SDK1: variants seen among roughly 807,000 people sequenced by gnomAD.
The protein encoded by SDK1 is protein sidekick-1.
Under a neutral mutation model 245.5 loss-of-function variants are expected in SDK1, and 157 were observed. That is an observed-to-expected ratio of 0.64 (90% CI 0.56 to 0.73). The LOEUF is 0.73. Ranked by LOEUF, SDK1 falls within the 30% of genes least tolerant of loss-of-function variation. SDK1 has a pLI of 0.00. For missense variants in SDK1, 3,583 were observed against 3,002.3 expected (o/e 1.19, Z -4.52); for synonymous variants, 1,647 against 1,278.5 (o/e 1.29, Z -6.15).
At chr7:3,822,936 AGAT>A (rs1779682479) in intron 5 of SDK1, among the ~76,000 whole-genome samples, 1 of 152,104 alleles carries the variant, frequency 6.6e-6, no homozygotes, top group African/African-American at 2.4e-5. Context: ...GTGGGGTCTC[AGAT>A]GCCTGCCTAA....
chr7:4,116,042 G>A (rs1783684560), intron 25 of SDK1, among the ~76,000 whole-genome samples: 1 of 152,160 alleles, frequency 6.6e-6, no homozygotes, highest in South Asian at 2.1e-4. Flanking sequence ...TCAGGACAGA[G>A]GAGTTTAAAA....
chr7:4,058,103 A>C (rs1779312038), intron 19 of SDK1, among the ~76,000 whole-genome samples: 1 of 152,194 alleles, frequency 6.6e-6, no homozygotes. Flanking sequence ...AAAAATAATG[A>C]TATTAAGGAA....
intron 40 of SDK1, chr7:4,227,477 C>G (rs983656268): frequency 1.9e-5 from 9 of 468,126 alleles, no homozygotes; most frequent in African/African-American, 1.8e-4. Context: ...TAAGCGCCAC[C>G]AGCTTCAGTA....
chr7:4,214,031 G>T (rs1784651691), intron 38 of SDK1, among the ~76,000 whole-genome samples: 1 of 152,144 alleles, frequency 6.6e-6, no homozygotes, highest in African/African-American at 2.4e-5. Flanking sequence ...CCTCAGAACG[G>T]CTCTACCTTG....
chr7:3,422,178 A>G (rs900527644), intron 1 of SDK1, among the ~76,000 whole-genome samples: 3 of 152,326 alleles, frequency 2.0e-5, no homozygotes, highest in Admixed American at 2.0e-4. Context: ...TGTTACCTTC[A>G]AGTGGAATGA....
chr7:3,750,087 G>C (rs1368228350), intron 4 of SDK1, among the ~76,000 whole-genome samples: 7 of 152,124 alleles, frequency 4.6e-5, no homozygotes, highest in Non-Finnish European at 4.4e-5. Flanking sequence ...CTCATTTATT[G>C]AACAAAATTG....
intron 19 of SDK1, among the ~76,000 whole-genome samples, chr7:4,055,196 A>G (rs1024805554): frequency 6.6e-6 from 1 of 152,190 alleles, no homozygotes; most frequent in Admixed American, 6.5e-5. Flanking sequence ...AATGTTTGGT[A>G]GAATTTTCCA....
At chr7:4,019,461 C>T (rs1786691538) in intron 17 of SDK1, among the ~76,000 whole-genome samples, 1 of 152,132 alleles carries the variant, frequency 6.6e-6, no homozygotes, top group South Asian at 2.1e-4. Context: ...GATAGTGGCA[C>T]AGTGGGTGGG....
intron 22 of SDK1, among the ~76,000 whole-genome samples, chr7:4,089,467 C>T (rs1030954761): frequency 2.0e-5 from 3 of 152,332 alleles, no homozygotes; most frequent in Non-Finnish European, 2.9e-5. Context: ...CAGCCTGTCC[C>T]GGGCTGCTAT....
rs973732519 is a variant in SDK1 at position 4,268,079 on chromosome 7, T to C, written c.*2695T>C. 10 of 985,388 alleles carry C rather than the reference T, an allele frequency of 1.0e-5. No homozygotes were observed. The highest frequency in any genetic ancestry group is 7.2e-6 in the Non-Finnish European group (6 of 829,960). The allele number at this position is 985,388 out of a possible 1,614,324, so 61.0% of individuals were successfully genotyped here. A position where few individuals can be genotyped will look rare whatever the true frequency, so the allele number is the denominator to read the frequency against. On this transcript the variant is annotated 3_prime_UTR_variant, in exon 45 of 45. Transcript: ENST00000404826. Reference sequence around the variant, plus strand: ...AAAAAGAGGACAAACAAAATGTCTCTAAGCCAGGCTAGATGGAATGTGCTC... The same window carrying C: ...AAAAAGAGGACAAACAAAATGTCTCCAAGCCAGGCTAGATGGAATGTGCTC...
intron 4 of SDK1, among the ~76,000 whole-genome samples, chr7:3,687,214 C>T (rs184184201): frequency 1.4e-4 from 21 of 151,602 alleles, no homozygotes; most frequent in Non-Finnish European, 1.5e-5. Context: ...TCTCTGTCGC[C>T]AGGCTGGAAT....
rs531632057 is a variant in SDK1 at position 3,818,393 on chromosome 7, T to C, written c.714-3057T>C. Among the ~76,000 whole-genome samples, 8 of 152,310 alleles carry C rather than the reference T, an allele frequency of 5.3e-5. No homozygotes were observed. In the East Asian group the frequency reaches 1.5e-3, roughly 29 times the overall value. ...ATGCCCCTGTGTTCTTTTCATTACC[T>C]TCTGATAGCAAAAGTGATATTTATT... On this transcript the variant is annotated intron_variant, in intron 4 of 44. Transcript: ENST00000404826.
At chr7:4,025,705 T>A (rs1171509557) in intron 17 of SDK1, among the ~76,000 whole-genome samples, 1 of 152,184 alleles carries the variant, frequency 6.6e-6, no homozygotes, top group African/African-American at 2.4e-5. Flanking sequence ...AAAATAGATG[T>A]CTGATTGAAA....
chr7:4,231,867 T>A (rs115610750), intron 40 of SDK1, among the ~76,000 whole-genome samples: 1,779 of 152,168 alleles, frequency 0.012, 40 homozygotes, highest in African/African-American at 0.041. Context: ...TAAGGTTGGT[T>A]TCCGGAGCAG....
Position 3,995,878 on chromosome 7 carries a change from G to A in SDK1, c.2131+8556G>A, listed in dbSNP as rs552953275. ...TTTTCAGTTTGCTTTTACCATTAAT[G>A]TTTGTATATTACTTTCTGACATACA... is the stretch of plus-strand genomic sequence containing the variant. On this transcript the variant is annotated intron_variant, in intron 14 of 44. Coordinates refer to ENST00000404826, the MANE Select transcript of SDK1 (RefSeq NM_152744.4). Among the ~76,000 whole-genome samples, 230 of 151,198 alleles carry A rather than the reference G, an allele frequency of 1.5e-3. 1 individual carries two copies. The highest frequency in any genetic ancestry group is 1.9e-3 in the Non-Finnish European group (126 of 67,810).
rs559452472 is a variant in SDK1, at chr7:3,745,075, A to G, written c.714-76375A>G. Among the ~76,000 whole-genome samples, 193 of 152,256 alleles carry G rather than the reference A, an allele frequency of 1.3e-3. 1 individual carries two copies. The highest frequency in any genetic ancestry group is 4.5e-3 in the African/African-American group (186 of 41,538). On this transcript the variant is annotated intron_variant, in intron 4 of 44. Transcript: ENST00000404826. ...GTATTGTCTCAAATGAAAAACTCAC[A>G]AAACACTCCAAGTTCCCTGCCATTG...
chr7:3,460,267 G>T (rs1225268270), intron 1 of SDK1, among the ~76,000 whole-genome samples: 1 of 152,162 alleles, frequency 6.6e-6, no homozygotes, highest in Non-Finnish European at 1.5e-5. Flanking sequence ...ATTCTGGGAT[G>T]ATTGATTAAT....
chr7:4,020,623 T>G (rs1367567730), intron 17 of SDK1, among the ~76,000 whole-genome samples: 1 of 152,150 alleles, frequency 6.6e-6, no homozygotes, highest in Non-Finnish European at 1.5e-5. Context: ...CAAGAGGGAC[T>G]GTGAATGCAT....
At chr7:4,049,059 C>T (rs765463361) in intron 17 of SDK1, among the ~76,000 whole-genome samples, 10 of 152,126 alleles carry the variant, frequency 6.6e-5, no homozygotes, top group South Asian at 2.1e-4. Context: ...CTTTGCTTGC[C>T]GTCCGTCTTG....
Sources: gnomAD v4.1 joint callset for allele counts (sites outside exome capture counted in the v4.1 genomes callset) on GRCh38, gnomAD v4.1.1 for gene constraint, MANE v1.5 for transcripts, NCBI Gene and HGNC (gene_info 2026-07-23, HGNC 2026-07-21) for gene names.